Variants in SLC24A2 observed in about 807,000 individuals in gnomAD.
SLC24A2 encodes the protein sodium/potassium/calcium exchanger 2.
In SLC24A2, 36 loss-of-function variants were observed where a neutral mutation model predicts 62.0. The ratio of observed to expected loss-of-function variants is 0.58; its 90% CI spans 0.44 to 0.77. The LOEUF is 0.77. Among genes scored for constraint, SLC24A2 ranks in the 30% least tolerant of loss-of-function variants. The pLI is 0.00. For missense variants in SLC24A2, 846 were observed against 817.9 expected (o/e 1.03, Z -0.42); for synonymous variants, 358 against 294.0 (o/e 1.22, Z -2.23).
chr9:20,205,370 C>T, the SLC24A2 span, among the ~76,000 whole-genome samples: 24 of 151,988 alleles, frequency 1.6e-4, no homozygotes, highest in South Asian at 6.2e-4. Context: ...AAGGTTAGGC[C>T]GGGCGCAATG....
At chr9:19,636,276 CTCT>C (rs71939265) in intron 2 of SLC24A2, among the ~76,000 whole-genome samples, 52,266 of 83,406 alleles carry the variant, frequency 0.63, 15,906 homozygotes, top group East Asian at 0.77. Flanking sequence ...TTCTCTTCTT[CTCT>C]TCTTCTCTTC....
chr9:19,881,404 C>G, the SLC24A2 span, among the ~76,000 whole-genome samples: 1 of 152,176 alleles, frequency 6.6e-6, no homozygotes, highest in Non-Finnish European at 1.5e-5. Context: ...TGAGAACCAT[C>G]TACTGACTTA....
At chr9:19,718,181 T>G (rs998217983) in intron 2 of SLC24A2, among the ~76,000 whole-genome samples, 6 of 151,702 alleles carry the variant, frequency 4.0e-5, no homozygotes, top group Admixed American at 3.3e-4. Flanking sequence ...TTCTCCCTGT[T>G]GGTAAGGCTG....
intron 2 of SLC24A2, among the ~76,000 whole-genome samples, chr9:19,667,750 C>A (rs756176957): frequency 5.9e-5 from 9 of 152,230 alleles, no homozygotes; most frequent in Admixed American, 5.9e-4. Flanking sequence ...TTTAAGTACT[C>A]CTTGCCCCAG....
the SLC24A2 span, among the ~76,000 whole-genome samples, chr9:20,009,316 C>G: frequency 6.8e-6 from 1 of 147,140 alleles, no homozygotes; most frequent in Non-Finnish European, 1.5e-5. Flanking sequence ...ACCCAGAAGG[C>G]AGAGGTTTTA....
the SLC24A2 span, among the ~76,000 whole-genome samples, chr9:20,226,813 G>A: frequency 1.3e-5 from 2 of 152,160 alleles, no homozygotes; most frequent in African/African-American, 4.8e-5. Context: ...TATCAATCAT[G>A]AGTGTGTATT....
the SLC24A2 span, among the ~76,000 whole-genome samples, chr9:20,264,203 G>A: frequency 6.6e-6 from 1 of 152,132 alleles, no homozygotes; most frequent in Non-Finnish European, 1.5e-5. Context: ...TGTCAGTTCT[G>A]ACACAACCTC....
the SLC24A2 span, among the ~76,000 whole-genome samples, chr9:20,076,688 G>A: frequency 6.6e-6 from 1 of 151,980 alleles, no homozygotes; most frequent in African/African-American, 2.4e-5. Flanking sequence ...CTAAAGGGAA[G>A]AACAAGTTCC....
chr9:19,581,204 T>C (rs190521629), intron 5 of SLC24A2, among the ~76,000 whole-genome samples: 31 of 152,278 alleles, frequency 2.0e-4, no homozygotes, highest in African/African-American at 7.5e-4. Context: ...CAAGTTTCAG[T>C]GAATCCCCCA....
At chr9:19,839,455 A>G in the SLC24A2 span, among the ~76,000 whole-genome samples, 1 of 152,170 alleles carries the variant, frequency 6.6e-6, no homozygotes, top group African/African-American at 2.4e-5. Context: ...GTTAGGTACT[A>G]TAGTCTGGAT....
intron 10 of SLC24A2, among the ~76,000 whole-genome samples, chr9:19,517,985 T>C (rs1043978237): frequency 3.3e-5 from 5 of 150,864 alleles, no homozygotes; most frequent in South Asian, 2.1e-4. Context: ...AAGTTGAGTT[T>C]AATCGCACTA....
chr9:19,732,542 T>C (rs574346993), intron 2 of SLC24A2, among the ~76,000 whole-genome samples: 1 of 152,312 alleles, frequency 6.6e-6, no homozygotes, highest in African/African-American at 2.4e-5. Context: ...GATCTATGCA[T>C]AAATTGTAGA....
the SLC24A2 span, among the ~76,000 whole-genome samples, chr9:20,218,100 C>T: frequency 1.3e-5 from 2 of 152,136 alleles, no homozygotes; most frequent in Non-Finnish European, 2.9e-5. Flanking sequence ...TAAAGACATA[C>T]ACATATGTTG....
the SLC24A2 span, among the ~76,000 whole-genome samples, chr9:20,229,936 AT>A: frequency 7.2e-5 from 9 of 124,950 alleles, no homozygotes; most frequent in African/African-American, 9.4e-5. Flanking sequence ...TCCTGTGTCC[AT>A]GTGTTCTCAT....
the SLC24A2 span, among the ~76,000 whole-genome samples, chr9:20,001,224 T>G: frequency 6.6e-6 from 1 of 152,196 alleles, no homozygotes; most frequent in Non-Finnish European, 1.5e-5. Context: ...ATGAGTGGGC[T>G]GAGGATAGGA....
chr9:19,578,397 T>C (rs1232898930), intron 5 of SLC24A2, among the ~76,000 whole-genome samples: 1 of 148,770 alleles, frequency 6.7e-6, no homozygotes, highest in African/African-American at 2.5e-5. Context: ...GTGCAGAGAT[T>C]AGGGAAACAG....
the SLC24A2 span, among the ~76,000 whole-genome samples, chr9:19,910,695 A>G: frequency 1.1e-4 from 17 of 152,022 alleles, no homozygotes; most frequent in African/African-American, 3.9e-4. Context: ...TCACCTCGCT[A>G]TATCTACCTT....
At chr9:19,762,124 C>T (rs1249433005) in intron 2 of SLC24A2, among the ~76,000 whole-genome samples, 1 of 152,056 alleles carries the variant, frequency 6.6e-6, no homozygotes, top group East Asian at 1.9e-4. Context: ...TGAGAAGTGT[C>T]TGTTCATATC....
the SLC24A2 span, among the ~76,000 whole-genome samples, chr9:19,820,188 A>G: frequency 6.7e-6 from 1 of 150,276 alleles, no homozygotes. Flanking sequence ...TCAGGAATGG[A>G]AAACCAAATA....
Sources: allele counts gnomAD v4.1 joint callset (sites outside exome capture counted in the v4.1 genomes callset), GRCh38; gene constraint gnomAD v4.1.1; transcripts MANE v1.5; gene names NCBI Gene and HGNC (gene_info 2026-07-23, HGNC 2026-07-21).